The following ABCB1 variants were observed in gnomAD, a reference collection of about 807,000 sequenced individuals.
ABCB1 encodes the protein ATP binding cassette subfamily B member 1.
Under a neutral mutation model 142.0 loss-of-function variants are expected in ABCB1, and 69 were observed. The observed-to-expected ratio is 0.49, with a 90% CI of 0.40 to 0.59. The LOEUF (loss-of-function observed/expected upper bound fraction) is 0.59. ABCB1 is among the 20% of genes least tolerant of loss of function. ABCB1 has a pLI of 0.00. For synonymous variants in ABCB1, 532 were observed against 539.2 expected (o/e 0.99, Z 0.18); for missense variants, 1,326 against 1,554.7 (o/e 0.85, Z 2.47).
chr7:87,712,962 T>C (rs1421576173), intron 1 of ABCB1, among the ~76,000 whole-genome samples: 1 of 152,150 alleles, frequency 6.6e-6, no homozygotes, highest in Non-Finnish European at 1.5e-5. Context: ...AAAGTTTTTA[T>C]CTTAGAAGTT....
At chr7:87,626,868 C>G (rs1426693448) in intron 1 of ABCB1, among the ~76,000 whole-genome samples, 1 of 151,934 alleles carries the variant, frequency 6.6e-6, no homozygotes, top group Non-Finnish European at 1.5e-5. Context: ...CTCCGCCTCC[C>G]GGGTTCAAAC....
chr7:87,518,505 T>A (rs1057277069), intron 23 of ABCB1, among the ~76,000 whole-genome samples: 1 of 152,186 alleles, frequency 6.6e-6, no homozygotes, highest in Non-Finnish European at 1.5e-5. Context: ...TAATGGAAAT[T>A]TAGATGTCTT....
In ABCB1 at chr7:87,676,415, A is replaced by G. The variant is rs1233893423; in HGVS notation, c.-331+36746T>C. On this transcript the variant is annotated intron_variant, in intron 1 of 28. Transcript: ENST00000265724. ...CAACAACAACATTAAAAAATGGGCA[A>G]AGAGGCCAGGCGCAGTGGCTCACAC... 3.3e-5 allele frequency among the ~76,000 whole-genome samples: 5 copies of G among 151,950 alleles called. No individual in the cohort carries two copies. In the East Asian group the frequency reaches 9.7e-4, roughly 30 times the overall value.
chr7:87,548,252 A>C (rs1254288053), intron 14 of ABCB1, among the ~76,000 whole-genome samples: 1 of 140,696 alleles, frequency 7.1e-6, no homozygotes, highest in East Asian at 2.2e-4. Flanking sequence ...AAGGGAAAGA[A>C]AGGGAAGGGA....
At chr7:87,510,191 A>G (rs1438733737) in intron 25 of ABCB1, among the ~76,000 whole-genome samples, 1 of 152,226 alleles carries the variant, frequency 6.6e-6, no homozygotes. Flanking sequence ...TACTTCTGAG[A>G]TGTATCCTGA....
intron 1 of ABCB1, among the ~76,000 whole-genome samples, chr7:87,693,247 A>G (rs1454398477): frequency 6.6e-6 from 1 of 152,196 alleles, no homozygotes; most frequent in Non-Finnish European, 1.5e-5. Context: ...TAGAAGCTGT[A>G]ACAAATAAAA....
intron 1 of ABCB1, among the ~76,000 whole-genome samples, chr7:87,665,693 C>G (rs769802760): frequency 2.0e-5 from 3 of 152,086 alleles, no homozygotes; most frequent in Non-Finnish European, 4.4e-5. Flanking sequence ...CTTCCTCTCA[C>G]CCTTCACTCT....
intron 1 of ABCB1, among the ~76,000 whole-genome samples, chr7:87,686,068 T>C (rs530659793): frequency 6.6e-6 from 1 of 152,292 alleles, no homozygotes; most frequent in Non-Finnish European, 1.5e-5. Context: ...ATAACCTGAG[T>C]TCCCTGTTCT....
chr7:87,649,507 G>A (rs1823359959), intron 1 of ABCB1, among the ~76,000 whole-genome samples: 1 of 152,168 alleles, frequency 6.6e-6, no homozygotes, highest in East Asian at 1.9e-4. Context: ...ATGTTTGTTT[G>A]TGCTAGGAAT....
chr7:87,552,652 A>T (rs924878809), intron 9 of ABCB1, among the ~76,000 whole-genome samples: 2 of 152,084 alleles, frequency 1.3e-5, no homozygotes, highest in Non-Finnish European at 2.9e-5. Flanking sequence ...TATACTAAAA[A>T]AAAAAAACTT....
intron 1 of ABCB1, among the ~76,000 whole-genome samples, chr7:87,685,314 T>C (rs547446394): frequency 2.6e-5 from 4 of 152,156 alleles, no homozygotes; most frequent in Non-Finnish European, 5.9e-5. Context: ...GATACACATA[T>C]GGCAAGTAAA....
At chr7:87,688,921 AATTTTCAAGGAATC>A (rs968434149) in intron 1 of ABCB1, among the ~76,000 whole-genome samples, 8 of 152,008 alleles carry the variant, frequency 5.3e-5, no homozygotes, top group African/African-American at 1.7e-4. Context: ...ACCAAACTAG[AATTTTCAAGGAATC>A]ATTTTCATTC....
intron 8 of ABCB1, among the ~76,000 whole-genome samples, chr7:87,560,454 C>A (rs906099779): frequency 2.0e-5 from 3 of 152,172 alleles, no homozygotes; most frequent in Non-Finnish European, 4.4e-5. Context: ...ACAGAATCCC[C>A]TGCTGTGTGT....
intron 20 of ABCB1, among the ~76,000 whole-genome samples, chr7:87,535,384 G>C (rs1816245300): frequency 6.6e-6 from 1 of 150,414 alleles, no homozygotes; most frequent in Non-Finnish European, 1.5e-5. Flanking sequence ...ACCCAGGCTG[G>C]AGTGCAGTGG....
intron 1 of ABCB1, among the ~76,000 whole-genome samples, chr7:87,712,179 T>C (rs1336636105): frequency 6.6e-6 from 1 of 152,098 alleles, no homozygotes; most frequent in Non-Finnish European, 1.5e-5. Flanking sequence ...AGAAAGACTT[T>C]TGGCTGAAAG....
intron 1 of ABCB1, among the ~76,000 whole-genome samples, chr7:87,645,515 T>G: frequency 6.6e-6 from 1 of 152,302 alleles, no homozygotes. Flanking sequence ...TATATAAACT[T>G]TTGATTTTTA....
At chr7:87,527,811 C>T (rs1158366428) in intron 21 of ABCB1, among the ~76,000 whole-genome samples, 1 of 152,148 alleles carries the variant, frequency 6.6e-6, no homozygotes, top group Non-Finnish European at 1.5e-5. Flanking sequence ...TACAAAATTA[C>T]TGGGGTAGTA....
At chr7:87,557,531 T>C (rs1254605252) in intron 8 of ABCB1, among the ~76,000 whole-genome samples, 4 of 152,252 alleles carry the variant, frequency 2.6e-5, no homozygotes, top group African/African-American at 9.6e-5. Context: ...AAGTAACTTA[T>C]ATTTTCTGAA....
intron 14 of ABCB1, among the ~76,000 whole-genome samples, chr7:87,546,920 G>A (rs1375914104): frequency 6.6e-6 from 1 of 152,162 alleles, no homozygotes; most frequent in African/African-American, 2.4e-5. Context: ...GAGTAGTTGT[G>A]ATGACTAAAT....
Sources: allele counts gnomAD v4.1 joint callset (sites outside exome capture counted in the v4.1 genomes callset), GRCh38; gene constraint gnomAD v4.1.1; transcripts MANE v1.5; gene names NCBI Gene and HGNC (gene_info 2026-07-23, HGNC 2026-07-21).